Variants in ARHGAP15 observed in about 807,000 individuals in gnomAD.
ARHGAP15 encodes the protein rho GTPase-activating protein 15.
Under a neutral mutation model 63.7 loss-of-function variants are expected in ARHGAP15, and 51 were observed. The observed-to-expected ratio is 0.80, with a 90% CI of 0.64 to 1.01. The LOEUF (loss-of-function observed/expected upper bound fraction) is 1.01, where lower values mean the gene tolerates loss of function less well. Among genes scored for constraint, ARHGAP15 ranks in the 50% least tolerant of loss-of-function variants. The pLI, the probability that ARHGAP15 is intolerant of heterozygous loss-of-function variation, is 0.00. For missense variants in ARHGAP15, 560 were observed against 564.6 expected, an observed-to-expected ratio of 0.99 and a Z score of 0.08; for synonymous variants, 191 against 193.8, an observed-to-expected ratio of 0.99 and a Z score of 0.12.
At chr2:143,279,212 C>G (rs1352146760) in intron 6 of ARHGAP15, among the ~76,000 whole-genome samples, 1 of 152,108 alleles carries the variant, frequency 6.6e-6, no homozygotes, top group African/African-American at 2.4e-5. Context: ...GTCCACACTT[C>G]TAGAATTTTT....
At chr2:143,332,421 A>T (rs976494071) in intron 6 of ARHGAP15, among the ~76,000 whole-genome samples, 2 of 152,096 alleles carry the variant, frequency 1.3e-5, no homozygotes, top group Non-Finnish European at 2.9e-5. Context: ...TGTATTTTTC[A>T]GTTGAGATCT....
intron 13 of ARHGAP15, among the ~76,000 whole-genome samples, chr2:143,734,718 C>T (rs184265367): frequency 6.6e-5 from 10 of 152,188 alleles, no homozygotes; most frequent in African/African-American, 1.9e-4. Context: ...GGATGTGCTG[C>T]GCTGATGATA....
chr2:143,607,174 G>A (rs926991720), intron 11 of ARHGAP15, among the ~76,000 whole-genome samples: 3 of 152,256 alleles, frequency 2.0e-5, no homozygotes, highest in African/African-American at 7.2e-5. Context: ...TCTAACTTGG[G>A]AGAAGAATCA....
chr2:143,327,301 C>G (rs767674749), intron 6 of ARHGAP15, among the ~76,000 whole-genome samples: 1 of 152,124 alleles, frequency 6.6e-6, no homozygotes, highest in Non-Finnish European at 1.5e-5. Context: ...GAATCAATAT[C>G]GTGAAAATTG....
intron 6 of ARHGAP15, among the ~76,000 whole-genome samples, chr2:143,350,286 G>T (rs1005951675): frequency 1.3e-5 from 2 of 151,926 alleles, no homozygotes; most frequent in African/African-American, 4.8e-5. Context: ...TATTCTAACT[G>T]GAATGACCAG....
intron 10 of ARHGAP15, among the ~76,000 whole-genome samples, chr2:143,555,742 A>C (rs927760850): frequency 2.0e-5 from 3 of 152,094 alleles, no homozygotes; most frequent in Non-Finnish European, 2.9e-5. Flanking sequence ...GGAGCACCTC[A>C]TTACCTATAA....
rs567772660 is a variant in ARHGAP15, at chr2:143,542,712, GAT to G, written c.926-13688_926-13687del. 1.8e-3 allele frequency among the ~76,000 whole-genome samples: 219 copies of G among 124,636 alleles called. 2 individuals are homozygous for G. The highest frequency in any genetic ancestry group is 5.9e-3 in the African/African-American group (193 of 32,788). 81.8% of individuals were successfully genotyped at this position (124,636 alleles called of 152,430 possible). A position where few individuals can be genotyped will look rare whatever the true frequency, so the allele number is the denominator to read the frequency against. On this transcript the variant is annotated intron_variant, in intron 10 of 13. Transcript: ENST00000295095. ...ATAGTATCACATATATAATATATAT[GAT>G]ATATATAATATCACATATATAATAT...
At chr2:143,674,906 G>A (rs1262785162) in intron 12 of ARHGAP15, among the ~76,000 whole-genome samples, 2 of 152,218 alleles carry the variant, frequency 1.3e-5, no homozygotes, top group East Asian at 3.9e-4. Flanking sequence ...TGGGGTAATT[G>A]TGACAATTAC....
At chr2:143,418,618 T>C (rs112328026) in intron 6 of ARHGAP15, among the ~76,000 whole-genome samples, 1 of 152,286 alleles carries the variant, frequency 6.6e-6, no homozygotes, top group South Asian at 2.1e-4. Context: ...AGATGATTTC[T>C]AAGAATTAAA....
intron 12 of ARHGAP15, among the ~76,000 whole-genome samples, chr2:143,677,415 C>G (rs1682881017): frequency 6.6e-6 from 1 of 152,102 alleles, no homozygotes; most frequent in South Asian, 2.1e-4. Flanking sequence ...TCTGGATTTT[C>G]CCAGAAAGAT....
intron 12 of ARHGAP15, among the ~76,000 whole-genome samples, chr2:143,659,697 T>TA (rs1468302475): frequency 2.0e-5 from 3 of 152,198 alleles, no homozygotes; most frequent in African/African-American, 7.2e-5. Flanking sequence ...TAGGCAGGCA[T>TA]GGGTTTATGT....
intron 6 of ARHGAP15, among the ~76,000 whole-genome samples, chr2:143,365,079 A>G (rs1157410182): frequency 6.6e-6 from 1 of 152,212 alleles, no homozygotes. Flanking sequence ...GTGGAACAGT[A>G]GTCTTAGTTC....
At chr2:143,601,013 A>C (rs1697747263) in intron 11 of ARHGAP15, among the ~76,000 whole-genome samples, 1 of 152,176 alleles carries the variant, frequency 6.6e-6, no homozygotes, top group Non-Finnish European at 1.5e-5. Flanking sequence ...ATTTGGTCAC[A>C]GGCCATGGTT....
At chr2:143,350,907 G>T (rs1234217695) in intron 6 of ARHGAP15, 1 of 150,522 alleles carries the variant, frequency 6.6e-6, no homozygotes, top group African/African-American at 2.4e-5. Flanking sequence ...GAGCAAATAG[G>T]AAATATTCAG....
At chr2:143,145,073 A>G (rs1483377382) in intron 1 of ARHGAP15, among the ~76,000 whole-genome samples, 1 of 152,080 alleles carries the variant, frequency 6.6e-6, no homozygotes, top group Non-Finnish European at 1.5e-5. Flanking sequence ...AGCTCCACAC[A>G]TTGACCATTG....
chr2:143,457,420 C>A (rs749854299), intron 8 of ARHGAP15, among the ~76,000 whole-genome samples: 20 of 151,942 alleles, frequency 1.3e-4, no homozygotes, highest in Admixed American at 3.3e-4. Flanking sequence ...GTAGCATGCA[C>A]CTGTAGTCCC....
intron 5 of ARHGAP15, chr2:143,247,199 T>TG (rs1021484379): frequency 5.2e-5 from 8 of 152,508 alleles, no homozygotes; most frequent in Admixed American, 5.2e-4. Flanking sequence ...CTTTGAGTTT[T>TG]GGGTTGGATG....
chr2:143,738,173 T>A (rs957292805), intron 13 of ARHGAP15, among the ~76,000 whole-genome samples: 1 of 152,156 alleles, frequency 6.6e-6, no homozygotes, highest in Non-Finnish European at 1.5e-5. Flanking sequence ...CACTAGCAGA[T>A]GAAATCTATT....
intron 11 of ARHGAP15, among the ~76,000 whole-genome samples, chr2:143,603,281 G>T (rs1347839886): frequency 6.6e-6 from 1 of 152,108 alleles, no homozygotes; most frequent in Non-Finnish European, 1.5e-5. Flanking sequence ...GTTACCTCAG[G>T]CTATGCAGGA....
Sources: gnomAD v4.1 joint callset for allele counts (sites outside exome capture counted in the v4.1 genomes callset) on GRCh38, gnomAD v4.1.1 for gene constraint, MANE v1.5 for transcripts, NCBI Gene and HGNC (gene_info 2026-07-23, HGNC 2026-07-21) for gene names.